The following PCDH9 variants were observed in gnomAD, a reference collection of about 807,000 sequenced individuals.
PCDH9 encodes the protein protocadherin-9.
In PCDH9, 24 loss-of-function variants were observed where a neutral mutation model predicts 70.6. The ratio of observed to expected loss-of-function variants is 0.34; its 90% CI spans 0.25 to 0.48. The LOEUF (loss-of-function observed/expected upper bound fraction) is 0.48, where lower values mean the gene tolerates loss of function less well. Among genes scored for constraint, PCDH9 ranks in the 20% least tolerant of loss-of-function variants. The pLI, the probability that PCDH9 is intolerant of heterozygous loss-of-function variation, is 0.99. For synonymous variants in PCDH9, 562 were observed against 558.5 expected (o/e 1.01, Z -0.09); for missense variants, 1,281 against 1,503.6 (o/e 0.85, Z 2.45).
chr13:66,476,763 C>A lies in PCDH9; in HGVS notation c.3340+154447G>T, dbSNP rs547577128. 7.2e-5 allele frequency among the ~76,000 whole-genome samples: 11 copies of A among 151,872 alleles called. No individual in the cohort carries two copies. The South Asian group carries it at 2.3e-3, about 32-fold the overall frequency. On this transcript the variant is annotated intron_variant, in intron 4 of 4. Coordinates refer to ENST00000377865, the MANE Select transcript of PCDH9 (RefSeq NM_203487.3). ...AGTAACATTGTTTTAGTATCACAAA[C>A]CAGGAGTGTTATCAGGAGACTAATA...
chr13:66,816,754 T>C lies in PCDH9; in HGVS notation c.3138+86750A>G, dbSNP rs933513235. 2.0e-5 allele frequency among the ~76,000 whole-genome samples: 3 copies of C among 152,084 alleles called. No homozygotes were observed. The South Asian group carries it at 6.2e-4, about 31-fold the overall frequency. On this transcript the variant is annotated intron_variant, in intron 3 of 4. Coordinates refer to ENST00000377865, the MANE Select transcript of PCDH9 (RefSeq NM_203487.3). ...TGACAACATGGTAAAATCCCGTCTC[T>C]ACTAAAAATACAAAAAGTAGCCGGG...
intron 4 of PCDH9, among the ~76,000 whole-genome samples, chr13:66,483,751 A>G (rs752387895): frequency 3.3e-5 from 5 of 152,076 alleles, no homozygotes; most frequent in Admixed American, 6.5e-5. Flanking sequence ...TACAGCTCCA[A>G]CCCCACGGAC....
chr13:67,073,070 T>C (rs1176050875), intron 2 of PCDH9, among the ~76,000 whole-genome samples: 1 of 152,208 alleles, frequency 6.6e-6, no homozygotes, highest in Non-Finnish European at 1.5e-5. Flanking sequence ...GAATTTCATT[T>C]CTTCTTAGGC....
intron 2 of PCDH9, among the ~76,000 whole-genome samples, chr13:67,043,030 AT>A (rs1265833493): frequency 6.6e-6 from 1 of 152,178 alleles, no homozygotes; most frequent in Non-Finnish European, 1.5e-5. Flanking sequence ...TATTTAAAGA[AT>A]TTTTACAAGT....
intron 4 of PCDH9, among the ~76,000 whole-genome samples, chr13:66,452,036 A>C (rs1003834411): frequency 2.0e-5 from 3 of 152,164 alleles, no homozygotes; most frequent in Non-Finnish European, 2.9e-5. Context: ...TTAGGTCTCC[A>C]TGACAGTTGT....
intron 3 of PCDH9, among the ~76,000 whole-genome samples, chr13:66,705,586 G>A (rs933301450): frequency 2.0e-5 from 3 of 152,084 alleles, no homozygotes; most frequent in Non-Finnish European, 4.4e-5. Context: ...ATAAATTTAT[G>A]TTTCACATAT....
chr13:66,503,741 T>C (rs1959189283), intron 4 of PCDH9, among the ~76,000 whole-genome samples: 1 of 152,180 alleles, frequency 6.6e-6, no homozygotes, highest in Admixed American at 6.6e-5. Context: ...AATGGCTGAT[T>C]TAAATCTGAA....
chr13:66,858,585 C>G (rs573250338), intron 3 of PCDH9, among the ~76,000 whole-genome samples: 5 of 152,142 alleles, frequency 3.3e-5, no homozygotes, highest in Non-Finnish European at 4.4e-5. Context: ...CTTTTATTTC[C>G]TGAATACTCT....
intron 3 of PCDH9, among the ~76,000 whole-genome samples, chr13:66,716,474 A>T (rs9540874): frequency 0.14 from 20,615 of 152,068 alleles, 1,611 homozygotes; most frequent in African/African-American, 0.21. Flanking sequence ...GGATTGGGAG[A>T]GTAGAAGAGT....
At chr13:66,822,471 G>A (rs897650252) in intron 3 of PCDH9, among the ~76,000 whole-genome samples, 39 of 150,354 alleles carry the variant, frequency 2.6e-4, no homozygotes, top group African/African-American at 8.8e-4. Context: ...CAATAGACTC[G>A]TCTGAATTTG....
intron 3 of PCDH9, among the ~76,000 whole-genome samples, chr13:66,855,721 T>C (rs149019027): frequency 1.8e-4 from 28 of 152,150 alleles, no homozygotes; most frequent in Non-Finnish European, 3.4e-4. Flanking sequence ...AAGTGAATGA[T>C]TGATAAAGCT....
intron 2 of PCDH9, among the ~76,000 whole-genome samples, chr13:66,961,435 C>A (rs187624406): frequency 5.9e-5 from 9 of 152,176 alleles, no homozygotes; most frequent in Admixed American, 5.9e-4. Flanking sequence ...TAAGTGGGAC[C>A]TCAAAGGAAG....
intron 4 of PCDH9, among the ~76,000 whole-genome samples, chr13:66,622,760 C>A (rs2077442703): frequency 6.6e-6 from 1 of 152,170 alleles, no homozygotes; most frequent in Admixed American, 6.5e-5. Flanking sequence ...AGAATAAAAG[C>A]AGGCTGCCCG....
chr13:66,483,547 G>GAAAAGT (rs1958880731), intron 4 of PCDH9, among the ~76,000 whole-genome samples: 1 of 152,160 alleles, frequency 6.6e-6, no homozygotes, highest in African/African-American at 2.4e-5. Context: ...TGTACACATA[G>GAAAAGT]AAAAGTAAAT....
At chr13:66,652,186 C>T (rs1197672480) in intron 3 of PCDH9, among the ~76,000 whole-genome samples, 2 of 151,926 alleles carry the variant, frequency 1.3e-5, no homozygotes, top group Non-Finnish European at 1.5e-5. Flanking sequence ...TAAAGGGCAT[C>T]CACACTGGAA....
intron 4 of PCDH9, among the ~76,000 whole-genome samples, chr13:66,455,064 A>G (rs1301732705): frequency 2.6e-5 from 4 of 152,152 alleles, no homozygotes; most frequent in Non-Finnish European, 4.4e-5. Context: ...CCTTTCATAT[A>G]ATTCTGTCGT....
chr13:67,037,381 G>T (rs930713056), intron 2 of PCDH9, among the ~76,000 whole-genome samples: 2 of 152,108 alleles, frequency 1.3e-5, no homozygotes, highest in East Asian at 1.9e-4. Flanking sequence ...ACTTTCTGCA[G>T]CTTTACTGTA....
intron 4 of PCDH9, among the ~76,000 whole-genome samples, chr13:66,321,503 T>C (rs147308607): frequency 4.6e-5 from 7 of 152,038 alleles, no homozygotes; most frequent in African/African-American, 1.7e-4. Context: ...TGGTCCTCAC[T>C]ACTACCTTAG....
chr13:66,573,367 A>C (rs1234637800), intron 4 of PCDH9, among the ~76,000 whole-genome samples: 1 of 150,400 alleles, frequency 6.6e-6, no homozygotes, highest in African/African-American at 2.4e-5. Flanking sequence ...TTCTCCCACC[A>C]TTCTATACAT....
Sources: gnomAD v4.1 joint callset for allele counts (sites outside exome capture counted in the v4.1 genomes callset) on GRCh38, gnomAD v4.1.1 for gene constraint, MANE v1.5 for transcripts, NCBI Gene and HGNC (gene_info 2026-07-23, HGNC 2026-07-21) for gene names.